The following GPBP1L1 variants were observed in gnomAD, a reference collection of about 807,000 sequenced individuals.
GPBP1L1 encodes GC-rich promoter binding protein 1 like 1, also known as vasculin-like protein 1.
Under a neutral mutation model 52.5 loss-of-function variants are expected in GPBP1L1, and 23 were observed. The observed-to-expected ratio is 0.44, with a 90% CI of 0.32 to 0.62. The LOEUF (loss-of-function observed/expected upper bound fraction) is 0.62. GPBP1L1 is among the 20% of genes least tolerant of loss of function. GPBP1L1 has a pLI of 0.06. For missense variants in GPBP1L1, 596 were observed against 579.3 expected (o/e 1.03, Z -0.30); for synonymous variants, 243 against 203.1 (o/e 1.20, Z -1.67).
chr1:45,659,495 G>A (rs1196912526), intron 3 of GPBP1L1, among the ~76,000 whole-genome samples: 1 of 152,080 alleles, frequency 6.6e-6, no homozygotes, highest in Admixed American at 6.6e-5. Context: ...ACTGCGCCCA[G>A]TGAATCTGGA....
intron 2 of GPBP1L1, among the ~76,000 whole-genome samples, chr1:45,668,037 C>T (rs970758027): frequency 4.6e-5 from 7 of 152,178 alleles, no homozygotes; most frequent in Non-Finnish European, 1.0e-4. Context: ...CGCCTGCCCT[C>T]TAGTCTTAAC....
Position 45,661,241 on chromosome 1 carries a change from CAA to C in GPBP1L1, c.-1097-18_-1097-17del, listed in dbSNP as rs1032440814. 6.6e-6 allele frequency: 1 copy of C among 152,116 alleles called. No individual in the cohort carries two copies. The highest frequency in any genetic ancestry group is 2.4e-5 in the African/African-American group (1 of 41,430). The allele number at this position is 152,116 out of a possible 1,614,324, so 9.4% of individuals were successfully genotyped here. A position where few individuals can be genotyped will look rare whatever the true frequency, so the allele number is the denominator to read the frequency against. ...ATCTATCACTCTGTAAATGAAAAAA[CAA>C]AACATAAAATCACAGAAGGCAAAAT... is the stretch of plus-strand genomic sequence containing the variant. On this transcript the variant is annotated splice_polypyrimidine_tract_variant and intron_variant, in intron 2 of 12. Coordinates refer to ENST00000355105, the MANE Select transcript of GPBP1L1 (RefSeq NM_021639.5).
At chr1:45,651,489 C>T (rs4607935) in intron 6 of GPBP1L1, 144,421 of 466,150 alleles carry the variant, frequency 0.31, 22,872 homozygotes, top group South Asian at 0.39. Context: ...GGGCCAATAG[C>T]CTCTGCTTCT....
intron 2 of GPBP1L1, among the ~76,000 whole-genome samples, chr1:45,669,523 T>C (rs1445286038): frequency 6.6e-6 from 1 of 152,216 alleles, no homozygotes; most frequent in East Asian, 1.9e-4. Flanking sequence ...TTGTTTAATT[T>C]TGGCTCCATA....
At position 45,628,256 on chromosome 1, in the gene GPBP1L1, C is replaced by T; in HGVS notation, c.1425G>A (p.Ter475=). Residue 475 remains the stop codon, a stop_retained_variant, in exon 13 of 13, where the codon TAG becomes TAA. Transcript: ENST00000355105. ...GATTTAACTGTGAGCATTTATATGC[C>T]TACTTCCAGGCATCGTCATCTGATG... The part of the protein sequence containing the change: ...SETSDDDAWK[*] The T allele has an allele frequency of 6.2e-7, 1 of 1,613,780 alleles. No homozygotes were observed. The highest frequency in any genetic ancestry group is 8.5e-7 in the Non-Finnish European group (1 of 1,179,910).
At chr1:45,633,849 T>G (rs1329113046) in intron 9 of GPBP1L1, 1 of 663,760 alleles carries the variant, frequency 1.5e-6, no homozygotes, top group Non-Finnish European at 2.5e-6. Context: ...TGGCACCTCT[T>G]TGATCTTTCT....
chr1:45,658,708 T>A (rs893154890), intron 4 of GPBP1L1: 3 of 309,200 alleles, frequency 9.7e-6, no homozygotes, highest in Admixed American at 4.8e-5. Context: ...GGTAGGCGGA[T>A]CACTTGAGCT....
At chr1:45,674,328 G>A (rs527885610) in intron 2 of GPBP1L1, among the ~76,000 whole-genome samples, 2 of 152,236 alleles carry the variant, frequency 1.3e-5, no homozygotes, top group Non-Finnish European at 2.9e-5. Flanking sequence ...ATTAAAGACA[G>A]TATGTCATAA....
intron 2 of GPBP1L1, among the ~76,000 whole-genome samples, chr1:45,669,608 T>C (rs1645050122): frequency 7.8e-6 from 1 of 127,698 alleles, no homozygotes; most frequent in Non-Finnish European, 1.7e-5. Context: ...GTAAAGGCTT[T>C]TGGGTATGAC....
chr1:45,646,070 C>A, intron 6 of GPBP1L1: 1 of 475,528 alleles, frequency 2.1e-6, no homozygotes, highest in Non-Finnish European at 4.1e-6. Flanking sequence ...TGTAACGATG[C>A]TTCATCATCA....
chr1:45,674,053 G>A (rs759154461), intron 2 of GPBP1L1, among the ~76,000 whole-genome samples: 1 of 149,950 alleles, frequency 6.7e-6, no homozygotes, highest in Non-Finnish European at 1.5e-5. Context: ...ACTCCAGCCT[G>A]TGTGAAAGAG....
chr1:45,634,072 C>T (rs1282353547), intron 9 of GPBP1L1, 24 bp downstream of exon 9: 1 of 1,574,706 alleles, frequency 6.4e-7, no homozygotes, highest in Non-Finnish European at 8.6e-7. Context: ...TCAGAAAAGA[C>T]TGTCCTGCTT....
intron 2 of GPBP1L1, among the ~76,000 whole-genome samples, chr1:45,676,483 A>G (rs985552082): frequency 1.1e-4 from 16 of 151,842 alleles, no homozygotes; most frequent in African/African-American, 3.9e-4. Flanking sequence ...CCGAGGTGGG[A>G]GGATCACCTG....
intron 4 of GPBP1L1, chr1:45,655,673 T>C (rs1263043627): frequency 1.2e-5 from 2 of 164,480 alleles, no homozygotes; most frequent in Non-Finnish European, 2.6e-5. Flanking sequence ...AAAATCAAGA[T>C]GATTGCCTCA....
intron 2 of GPBP1L1, among the ~76,000 whole-genome samples, chr1:45,678,269 T>G (rs1645170852): frequency 6.6e-6 from 1 of 152,212 alleles, no homozygotes; most frequent in Non-Finnish European, 1.5e-5. Flanking sequence ...ATCGAACACT[T>G]TAAATATGTG....
chr1:45,648,232 A>G (rs1361061361), intron 6 of GPBP1L1, among the ~76,000 whole-genome samples: 3 of 152,134 alleles, frequency 2.0e-5, no homozygotes, highest in Non-Finnish European at 4.4e-5. Context: ...GAGCCACTGA[A>G]CTGTGACTAC....
intron 4 of GPBP1L1, among the ~76,000 whole-genome samples, chr1:45,657,878 C>T (rs1316908663): frequency 1.3e-5 from 2 of 152,030 alleles, no homozygotes; most frequent in Non-Finnish European, 2.9e-5. Context: ...AAAATTGAAA[C>T]AAAATGAAGT....
chr1:45,638,257 C>T (rs1242437930), intron 8 of GPBP1L1, among the ~76,000 whole-genome samples: 1 of 152,184 alleles, frequency 6.6e-6, no homozygotes, highest in Non-Finnish European at 1.5e-5. Context: ...CTCATCCATT[C>T]ACTTATCTTT....
At chr1:45,636,286 G>T (rs1320580519) in intron 8 of GPBP1L1, among the ~76,000 whole-genome samples, 1 of 151,974 alleles carries the variant, frequency 6.6e-6, no homozygotes, top group Non-Finnish European at 1.5e-5. Flanking sequence ...TCTTTTCAAT[G>T]GATGTAAGTA....
Sources: gnomAD v4.1 joint callset for allele counts (sites outside exome capture counted in the v4.1 genomes callset) on GRCh38, gnomAD v4.1.1 for gene constraint, MANE v1.5 for transcripts, NCBI Gene and HGNC (gene_info 2026-07-23, HGNC 2026-07-21) for gene names.